Variants in ALDH3B1 observed in about 807,000 individuals in gnomAD.
ALDH3B1 encodes aldehyde dehydrogenase 3 family member B1.
In ALDH3B1, 37 loss-of-function variants were observed where a neutral mutation model predicts 46.2. That is an observed-to-expected ratio of 0.80 (90% CI 0.62 to 1.05). The LOEUF (loss-of-function observed/expected upper bound fraction) is 1.05. Ranked by LOEUF, ALDH3B1 falls within the 50% of genes least tolerant of loss-of-function variation. The pLI, the probability that ALDH3B1 is intolerant of heterozygous loss-of-function variation, is 0.00. For missense variants in ALDH3B1, 603 were observed against 665.5 expected (o/e 0.91, Z 1.03); for synonymous variants, 283 against 281.0 (o/e 1.01, Z -0.07).
intron 5 of ALDH3B1, 81 bp downstream of exon 5, chr11:68,019,336 C>CA: frequency 7.9e-7 from 1 of 1,259,176 alleles, no homozygotes; most frequent in Non-Finnish European, 1.1e-6. Flanking sequence ...AAGGGCCTGT[C>CA]AGTCAGACCC....
chr11:68,019,582 C>T (rs1857437840), intron 5 of ALDH3B1, 133 bp from the exon 6 acceptor site: 1 of 990,564 alleles, frequency 1.0e-6, no homozygotes, highest in South Asian at 1.6e-5. Context: ...TGCCTCCACC[C>T]AACCCTCCTA....
At chr11:68,010,159 C>T (rs765251988), upstream of ALDH3B1, among the ~76,000 whole-genome samples, 45 of 152,266 alleles carry the variant, frequency 3.0e-4, no homozygotes, top group Middle Eastern at 0.031. Context: ...GCCCTCTGGG[C>T]GTTGACTTCT....
chr11:68,015,815 C>T, intron 2 of ALDH3B1: 2 of 382,324 alleles, frequency 5.2e-6, no homozygotes, highest in South Asian at 2.0e-5. Context: ...CCTGTAGTCC[C>T]AGCACTTTGG....
At chr11:68,021,937 G>A in intron 7 of ALDH3B1, 66 bp downstream of exon 7, 3 of 1,527,126 alleles carry the variant, frequency 2.0e-6, no homozygotes, top group Non-Finnish European at 2.6e-6. Flanking sequence ...AGGGCCCAAG[G>A]CTGGGCCACA....
chr11:68,009,906 T>TG (rs570105267), upstream of ALDH3B1, among the ~76,000 whole-genome samples: 12 of 151,984 alleles, frequency 7.9e-5, no homozygotes, highest in African/African-American at 2.4e-4. Context: ...AGGCTGGGAG[T>TG]GGGGGGTCGA....
chr11:68,018,387 C>T, intron 2 of ALDH3B1, 140 bp from the exon 3 acceptor site: 1 of 719,282 alleles, frequency 1.4e-6, no homozygotes, highest in Non-Finnish European at 2.3e-6. Flanking sequence ...GAAGCACGCA[C>T]TGAACATGGA....
At chr11:68,021,262 C>T (rs531105874) in intron 6 of ALDH3B1, among the ~76,000 whole-genome samples, 24 of 152,304 alleles carry the variant, frequency 1.6e-4, no homozygotes, top group African/African-American at 5.1e-4. Flanking sequence ...CGATAGCAGC[C>T]GTGCACCATT....
chr11:68,022,886 T>C, intron 8 of ALDH3B1, 125 bp downstream of exon 8: 2 of 1,374,624 alleles, frequency 1.5e-6, no homozygotes, highest in South Asian at 2.7e-5. Context: ...CTTGGCTCTG[T>C]CTCTGCCCAC....
At chr11:68,027,689 A>C in intron 9 of ALDH3B1, 60 bp from the exon 10 acceptor site, 2 of 1,509,858 alleles carry the variant, frequency 1.3e-6, no homozygotes, top group Non-Finnish European at 1.8e-6. Flanking sequence ...CCTAGGCCCC[A>C]CTGTCTGTGA....
chr11:68,026,962 C>T (rs1857639992), intron 9 of ALDH3B1, among the ~76,000 whole-genome samples: 1 of 152,136 alleles, frequency 6.6e-6, no homozygotes, highest in Non-Finnish European at 1.5e-5. Flanking sequence ...CGCCTCCCTG[C>T]CCTGGAGGAG....
intron 1 of ALDH3B1, 108 bp downstream of exon 1, chr11:68,010,500 G>A (rs1857207113): frequency 6.6e-6 from 1 of 152,396 alleles, no homozygotes; most frequent in Non-Finnish European, 1.5e-5. Flanking sequence ...GCCACCGGCA[G>A]CTGCACTCAG....
chr11:68,012,253 C>T (rs1256431879), intron 1 of ALDH3B1, among the ~76,000 whole-genome samples: 3 of 152,178 alleles, frequency 2.0e-5, no homozygotes, highest in African/African-American at 4.8e-5. Context: ...ATGTCAGCCC[C>T]GTTCCTCCCC....
intron 1 of ALDH3B1, among the ~76,000 whole-genome samples, chr11:68,011,010 C>T (rs983249914): frequency 1.6e-4 from 24 of 151,632 alleles, no homozygotes; most frequent in African/African-American, 5.3e-4. Context: ...TGGGTTGGCC[C>T]GAGCCACCAA....
At chr11:68,025,404 A>C (rs1259906938) in intron 8 of ALDH3B1, 2 of 152,204 alleles carry the variant, frequency 1.3e-5, no homozygotes, top group Non-Finnish European at 2.9e-5. Flanking sequence ...TTTAGTGTCT[A>C]CCAATCTTTT....
In ALDH3B1 at chr11:68,028,083, C is replaced by T. The variant is rs769224164; in HGVS notation, c.*144C>T. On this transcript the variant is annotated 3_prime_UTR_variant, in exon 10 of 10. Coordinates refer to ENST00000342456, the MANE Select transcript of ALDH3B1 (RefSeq NM_000694.4). ...CCTCAAAGCAGCGCCTGCCTCCTCC[C>T]TCCTGGGTCTTCCCTCTCCCTGCCT... 6 of 1,098,710 alleles carry T rather than the reference C, an allele frequency of 5.5e-6. No individual in the cohort carries two copies. Among genetic ancestry groups the T allele is most frequent in the Non-Finnish European group, 8.3e-6 (6 of 724,304 alleles). The allele number at this position is 1,098,710 out of a possible 1,614,324, so 68.1% of individuals were successfully genotyped here.
chr11:68,019,234 G>A lies in ALDH3B1; in HGVS notation c.459G>A (p.Val153=), dbSNP rs773813137. The change falls in exon 5 of 10, where the codon GTG becomes GTA. Residue 153 remains valine, a synonymous_variant. Transcript: ENST00000342456. The part of the protein sequence containing the change: ...SKNVEKILAE[V]LPQYVDQSCF... The stretch of plus-strand genomic sequence containing the variant: ...ACGTCGAGAAGATCCTGGCCGAGGT[G>A]CTGCCCCAATACGTGGACCAGGTGA... The A allele has an allele frequency of 2.5e-6, 4 of 1,613,276 alleles. No individual in the cohort carries two copies. Among genetic ancestry groups the A allele is most frequent in the Non-Finnish European group, 3.4e-6 (4 of 1,179,644 alleles).
At chr11:68,024,141 T>C (rs1056298468) in intron 8 of ALDH3B1, 1 of 152,224 alleles carries the variant, frequency 6.6e-6, no homozygotes, top group Non-Finnish European at 1.5e-5. Context: ...AGGTCTCCTG[T>C]AGAACATCCC....
chr11:68,018,712 A>G, intron 3 of ALDH3B1, 61 bp from the exon 4 acceptor site: 1 of 1,548,732 alleles, frequency 6.5e-7, no homozygotes. Flanking sequence ...TCTGGGTGGG[A>G]GCTGGCTGCT....
chr11:68,011,661 A>C lies in ALDH3B1; in HGVS notation c.-2+1269A>C, dbSNP rs781574240. Among the ~76,000 whole-genome samples, 10 of 152,140 alleles carry C rather than the reference A, an allele frequency of 6.6e-5. 1 individual carries two copies. Among genetic ancestry groups the C allele is most frequent in the Admixed American group, 2.6e-4 (4 of 15,284 alleles). ...TGATCCCCGCCTTCTGGCTGCCCTG[A>C]TGGGGGTCCCCCAGGCCCTCTACCC... On this transcript the variant is annotated intron_variant, in intron 1 of 9. Transcript: ENST00000342456.
Sources: gnomAD v4.1 joint callset for allele counts (sites outside exome capture counted in the v4.1 genomes callset) on GRCh38, gnomAD v4.1.1 for gene constraint, MANE v1.5 for transcripts, NCBI Gene and HGNC (gene_info 2026-07-23, HGNC 2026-07-21) for gene names.